PDE11A: variants seen among roughly 807,000 people sequenced by gnomAD.
PDE11A encodes the protein phosphodiesterase 11A.
In PDE11A, 100 loss-of-function variants were observed where a neutral mutation model predicts 100.5. The ratio of observed to expected loss-of-function variants is 1.00; its 90% CI spans 0.85 to 1.18. PDE11A has a LOEUF of 1.18. Ranked by LOEUF, PDE11A falls within the 50% of genes most tolerant of loss-of-function variation. The pLI is 0.00. For synonymous variants in PDE11A, 381 were observed against 420.8 expected (o/e 0.91, Z 1.16); for missense variants, 1,141 against 1,152.6 (o/e 0.99, Z 0.15).
rs1239016792 is a variant in PDE11A at position 177,928,523 on chromosome 2, G to GAA, written c.1072-23337_1072-23336insTT. Reference sequence around the variant, plus strand: ...TAAATACGAGAAAGAGAGACAGAGAGAGAGAGAACTGTAGAAAACTAATAT... The same window carrying GAA: ...TAAATACGAGAAAGAGAGACAGAGAGAAAGAGAGAACTGTAGAAAACTAATAT... On this transcript the variant is annotated intron_variant, in intron 2 of 19. Transcript: ENST00000286063. 5.3e-5 allele frequency among the ~76,000 whole-genome samples: 8 copies of GAA among 151,792 alleles called. No individual in the cohort carries two copies. The South Asian group carries it at 1.7e-3, about 32-fold the overall frequency.
chr2:177,781,472 T>C (rs1193006174), intron 9 of PDE11A, among the ~76,000 whole-genome samples: 1 of 151,258 alleles, frequency 6.6e-6, no homozygotes, highest in Non-Finnish European at 1.5e-5. Context: ...ACCTTGCCCA[T>C]CTTGGCTGAA....
chr2:177,914,151 T>A (rs1283926517), intron 2 of PDE11A, among the ~76,000 whole-genome samples: 1 of 152,204 alleles, frequency 6.6e-6, no homozygotes, highest in South Asian at 2.1e-4. Flanking sequence ...TTGTTGGTTG[T>A]CTGTATTTTA....
intron 1 of PDE11A, among the ~76,000 whole-genome samples, chr2:178,067,197 C>G (rs1278419957): frequency 6.6e-6 from 1 of 152,158 alleles, no homozygotes; most frequent in Non-Finnish European, 1.5e-5. Context: ...CAGACCATGA[C>G]AGTAGACTCC....
chr2:177,864,392 G>C (rs138007318), intron 5 of PDE11A, among the ~76,000 whole-genome samples: 1 of 152,158 alleles, frequency 6.6e-6, no homozygotes, highest in South Asian at 2.1e-4. Context: ...GTGAGATGAC[G>C]GCTATGTTAA....
At chr2:177,853,785 TATAG>T (rs2083775462) in intron 5 of PDE11A, among the ~76,000 whole-genome samples, 1 of 140,766 alleles carries the variant, frequency 7.1e-6, no homozygotes, top group African/African-American at 2.6e-5. Context: ...TATATATGTG[TATAG>T]ATATATATGT....
At chr2:177,750,848 T>G (rs1235807378) in intron 10 of PDE11A, among the ~76,000 whole-genome samples, 1 of 152,266 alleles carries the variant, frequency 6.6e-6, no homozygotes, top group African/African-American at 2.4e-5. Context: ...AGCAGTGTTC[T>G]ATGAGATACC....
At chr2:178,019,686 A>C (rs577049669) in intron 1 of PDE11A, among the ~76,000 whole-genome samples, 2 of 152,322 alleles carry the variant, frequency 1.3e-5, no homozygotes, top group African/African-American at 4.8e-5. Context: ...GTCTGGGTTT[A>C]AGAAAAAGGC....
intron 5 of PDE11A, among the ~76,000 whole-genome samples, chr2:177,865,259 C>T (rs1402932905): frequency 1.3e-5 from 2 of 152,120 alleles, no homozygotes; most frequent in South Asian, 2.1e-4. Flanking sequence ...GCCTGGGCAA[C>T]AGAGTGAGAC....
At chr2:177,661,665 T>C (rs2080486790) in intron 19 of PDE11A, among the ~76,000 whole-genome samples, 1 of 152,056 alleles carries the variant, frequency 6.6e-6, no homozygotes, top group African/African-American at 2.4e-5. Flanking sequence ...ACAAATGAAA[T>C]AATGAGATCT....
intron 10 of PDE11A, among the ~76,000 whole-genome samples, chr2:177,762,335 A>G (rs2082181776): frequency 6.6e-6 from 1 of 152,296 alleles, no homozygotes; most frequent in Non-Finnish European, 1.5e-5. Context: ...GAAGTGAGGG[A>G]CTACGTGTTC....
intron 9 of PDE11A, among the ~76,000 whole-genome samples, chr2:177,812,374 C>T (rs775298780): frequency 2.0e-5 from 3 of 152,102 alleles, no homozygotes; most frequent in Non-Finnish European, 4.4e-5. Context: ...TCTCCCTATG[C>T]TGCCTTTTGC....
At chr2:177,762,976 C>T (rs2082190541) in intron 10 of PDE11A, among the ~76,000 whole-genome samples, 2 of 152,182 alleles carry the variant, frequency 1.3e-5, no homozygotes, top group Non-Finnish European at 1.5e-5. Context: ...CCCCGCCCTC[C>T]GCCACTATCT....
At chr2:177,787,826 A>T (rs1190761788) in intron 9 of PDE11A, among the ~76,000 whole-genome samples, 1 of 152,210 alleles carries the variant, frequency 6.6e-6, no homozygotes, top group Non-Finnish European at 1.5e-5. Context: ...TCAATTCAAC[A>T]AGAAAAGCTA....
intron 4 of PDE11A, among the ~76,000 whole-genome samples, chr2:177,886,608 T>C (rs541535697): frequency 3.3e-5 from 5 of 152,254 alleles, no homozygotes; most frequent in South Asian, 2.1e-4. Context: ...AAAATACAAA[T>C]AGAACTTTTG....
intron 1 of PDE11A, among the ~76,000 whole-genome samples, chr2:178,062,915 A>T (rs531716978): frequency 2.5e-4 from 38 of 152,332 alleles, no homozygotes; most frequent in Middle Eastern, 3.4e-3. Context: ...TGTGTCATAG[A>T]TATACTTAGC....
chr2:177,958,068 T>A (rs1392323607), intron 2 of PDE11A, among the ~76,000 whole-genome samples: 1 of 152,052 alleles, frequency 6.6e-6, no homozygotes, highest in East Asian at 1.9e-4. Flanking sequence ...TTTTTGTATT[T>A]TTAGTAGACA....
intron 3 of PDE11A, among the ~76,000 whole-genome samples, chr2:177,903,807 G>T (rs1327386602): frequency 1.3e-5 from 2 of 152,220 alleles, no homozygotes; most frequent in African/African-American, 4.8e-5. Context: ...GCCGAGGGAG[G>T]AATACGGCTA....
intron 9 of PDE11A, among the ~76,000 whole-genome samples, chr2:177,814,589 T>C (rs139019987): frequency 2.2e-4 from 34 of 152,288 alleles, no homozygotes; most frequent in Admixed American, 5.2e-4. Context: ...AAATAAAGCA[T>C]GTGGAACAAA....
chr2:177,768,922 A>C (rs1294037687), intron 10 of PDE11A, among the ~76,000 whole-genome samples: 1 of 152,248 alleles, frequency 6.6e-6, no homozygotes, highest in African/African-American at 2.4e-5. Context: ...CACAGCAAGC[A>C]CTTAGTGTTA....
Sources: gnomAD v4.1 joint callset for allele counts (sites outside exome capture counted in the v4.1 genomes callset) on GRCh38, gnomAD v4.1.1 for gene constraint, MANE v1.5 for transcripts, NCBI Gene and HGNC (gene_info 2026-07-23, HGNC 2026-07-21) for gene names.